FAAH2: variants seen among roughly 807,000 people sequenced by gnomAD.
FAAH2 encodes fatty acid amide hydrolase 2.
FAAH2 carries 60 observed loss-of-function variants against 36.9 expected under a neutral mutation model. The ratio of observed to expected loss-of-function variants is 1.63; its 90% CI spans 1.32 to 2.02. The LOEUF is 2.02. FAAH2 is among the 30% of genes most tolerant of loss of function. FAAH2 has a pLI of 0.00. For missense variants in FAAH2, 689 were observed against 397.5 expected (o/e 1.73, Z -6.23); for synonymous variants, 214 against 143.8 (o/e 1.49, Z -3.49).
At chrX:57,400,128 C>T (rs1457235256) in intron 7 of FAAH2, among the ~76,000 whole-genome samples, 1 of 112,184 alleles carries the variant, frequency 8.9e-6, no homozygotes, top group African/African-American at 3.2e-5. Flanking sequence ...CACAGGTGTG[C>T]AGTTGCAGCA....
the FAAH2 span, among the ~76,000 whole-genome samples, chrX:57,276,037 A>G: frequency 9.0e-6 from 1 of 111,579 alleles, no homozygotes; most frequent in Non-Finnish European, 1.9e-5. Context: ...TAACAAGAAC[A>G]TCCAGGAATT....
At chrX:57,151,589 G>A in the FAAH2 span, among the ~76,000 whole-genome samples, 2 of 111,608 alleles carry the variant, frequency 1.8e-5, no homozygotes, top group Admixed American at 9.5e-5. Flanking sequence ...TGTAGTTCTC[G>A]AGTCTTGGCT....
At chrX:57,197,597 C>T in the FAAH2 span, among the ~76,000 whole-genome samples, 1 of 110,688 alleles carries the variant, frequency 9.0e-6, no homozygotes, top group East Asian at 2.9e-4. Context: ...CCTTTTTTCC[C>T]CATGGATCAG....
intron 10 of FAAH2, among the ~76,000 whole-genome samples, chrX:57,462,318 A>T (rs779260417): frequency 9.0e-6 from 1 of 111,433 alleles, no homozygotes; most frequent in South Asian, 3.7e-4. Flanking sequence ...TGAGGCCAGC[A>T]TTGTCCTGAT....
chrX:57,368,804 A>G (rs942696576), intron 5 of FAAH2, among the ~76,000 whole-genome samples: 6 of 111,375 alleles, frequency 5.4e-5, no homozygotes, highest in African/African-American at 1.6e-4. Context: ...TAGGGACACA[A>G]GACACATGAA....
At chrX:57,148,289 T>C in the FAAH2 span, among the ~76,000 whole-genome samples, 1 of 111,783 alleles carries the variant, frequency 8.9e-6, no homozygotes, top group Admixed American at 9.5e-5. Flanking sequence ...TTTTTTCCAA[T>C]TCTATGAAGA....
At chrX:57,299,993 G>A (rs1488430804) in intron 2 of FAAH2, among the ~76,000 whole-genome samples, 5 of 111,529 alleles carry the variant, frequency 4.5e-5, no homozygotes, top group Non-Finnish European at 9.4e-5. Context: ...CATGCTCATG[G>A]GTAGGAAGAA....
At chrX:57,303,228 T>C (rs778873270) in intron 2 of FAAH2, among the ~76,000 whole-genome samples, 6 of 111,841 alleles carry the variant, frequency 5.4e-5, no homozygotes, top group East Asian at 5.6e-4. Context: ...TGAACAAATA[T>C]TGTGCCAGTA....
chrX:57,165,478 G>A, the FAAH2 span, among the ~76,000 whole-genome samples: 1 of 109,957 alleles, frequency 9.1e-6, no homozygotes, highest in Non-Finnish European at 1.9e-5. Context: ...CTCATAGATG[G>A]GAATTGAACA....
the FAAH2 span, among the ~76,000 whole-genome samples, chrX:57,274,406 G>A: frequency 8.9e-6 from 1 of 112,079 alleles, no homozygotes; most frequent in East Asian, 2.8e-4. Flanking sequence ...CTCATTTCAT[G>A]AGGCCAGAAT....
chrX:57,178,391 C>A, the FAAH2 span, among the ~76,000 whole-genome samples: 1 of 111,681 alleles, frequency 9.0e-6, no homozygotes, highest in Non-Finnish European at 1.9e-5. Flanking sequence ...TGTCCACCAG[C>A]TAGGAGGTGG....
chrX:57,316,544 G>T (rs949628525), intron 3 of FAAH2, among the ~76,000 whole-genome samples: 1 of 111,018 alleles, frequency 9.0e-6, no homozygotes, highest in East Asian at 2.8e-4. Context: ...CAATGGAACA[G>T]AACAGAAAAC....
At chrX:57,255,214 A>C in the FAAH2 span, among the ~76,000 whole-genome samples, 1 of 111,913 alleles carries the variant, frequency 8.9e-6, no homozygotes, top group African/African-American at 3.2e-5. Context: ...CACCCTCCCA[A>C]GACTAAACCA....
intron 7 of FAAH2, among the ~76,000 whole-genome samples, chrX:57,429,755 T>C (rs949619651): frequency 4.5e-5 from 5 of 111,633 alleles, no homozygotes; most frequent in Non-Finnish European, 7.5e-5. Context: ...TTATTCACAA[T>C]AGAAAAGATA....
At chrX:57,450,011 G>A (rs1378935313) in intron 10 of FAAH2, among the ~76,000 whole-genome samples, 1 of 111,384 alleles carries the variant, frequency 9.0e-6, no homozygotes, top group East Asian at 2.8e-4. Flanking sequence ...AAATTGCTGC[G>A]TTTAAGTTTC....
At chrX:57,322,068 G>A (rs1023665762) in intron 3 of FAAH2, among the ~76,000 whole-genome samples, 4 of 108,121 alleles carry the variant, frequency 3.7e-5, no homozygotes, top group Admixed American at 2.0e-4. Flanking sequence ...ACGGAGTCTC[G>A]CTCAGCTCAC....
At chrX:57,302,853 T>C (rs2052415359) in intron 2 of FAAH2, among the ~76,000 whole-genome samples, 1 of 111,354 alleles carries the variant, frequency 9.0e-6, no homozygotes, top group South Asian at 3.8e-4. Context: ...TTTGTCTCCA[T>C]AGAAGCAAGG....
the FAAH2 span, among the ~76,000 whole-genome samples, chrX:57,266,579 A>G: frequency 8.9e-6 from 1 of 112,313 alleles, no homozygotes; most frequent in South Asian, 3.7e-4. Flanking sequence ...CAAAGACCTT[A>G]AGTGCCTATC....
chrX:57,291,422 T>A (rs1314460141), intron 1 of FAAH2, among the ~76,000 whole-genome samples: 2 of 112,284 alleles, frequency 1.8e-5, no homozygotes, highest in Non-Finnish European at 3.8e-5. Flanking sequence ...ACCTAGTATA[T>A]GTTTGCCTAA....
Sources: gnomAD v4.1 joint callset for allele counts (sites outside exome capture counted in the v4.1 genomes callset) on GRCh38, gnomAD v4.1.1 for gene constraint, MANE v1.5 for transcripts, NCBI Gene and HGNC (gene_info 2026-07-23, HGNC 2026-07-21) for gene names.